Variants in AMPD3 observed in about 807,000 individuals in gnomAD.
The protein encoded by AMPD3 is adenosine monophosphate deaminase 3, also known as AMP deaminase 3.
A neutral mutation model predicts 82.3 loss-of-function variants in AMPD3; 57 were observed. That is an observed-to-expected ratio of 0.69 (90% CI 0.56 to 0.86). AMPD3 has a LOEUF of 0.86. AMPD3 is among the 40% of genes least tolerant of loss of function. The probability of loss-of-function intolerance (pLI) is 0.00; values close to 1 mark genes in which losing one functional copy is unlikely to be tolerated. For missense variants in AMPD3, 870 were observed against 1,003.8 expected, an observed-to-expected ratio of 0.87 and a Z score of 1.80; for synonymous variants, 381 against 394.7, an observed-to-expected ratio of 0.97 and a Z score of 0.41.
At chr11:10,452,364 A>G (rs1437547856), upstream of AMPD3, among the ~76,000 whole-genome samples, 1 of 152,138 alleles carries the variant, frequency 6.6e-6, no homozygotes, top group Non-Finnish European at 1.5e-5. Context: ...ATAATCTCTT[A>G]GTTCTTCTGT....
Position 10,499,883 on chromosome 11 carries a change from C to T in AMPD3, c.1558-203C>T, listed in dbSNP as rs746073548. ...ACCTCCAGAGTACCTATGGAAGCTC[C>T]GAAGGGGCAGACCTTGGTGTTGTAC... On this transcript the variant is annotated intron_variant, in intron 10 of 14. Transcript: ENST00000396553. 28 of 985,148 alleles carry T rather than the reference C, an allele frequency of 2.8e-5. No individual in the cohort carries two copies. The African/African-American group carries it at 3.0e-4, about 10-fold the overall frequency. The allele number at this position is 985,148 out of a possible 1,614,324, so 61.0% of individuals were successfully genotyped here.
At chr11:10,477,057 C>A (rs930392663) in intron 2 of AMPD3, 1 of 985,366 alleles carries the variant, frequency 1.0e-6, no homozygotes, top group African/African-American at 1.7e-5. Context: ...ATGGCAAGCA[C>A]TGGGTGTGTA....
At chr11:10,453,243 A>T (rs575130070), upstream of AMPD3, among the ~76,000 whole-genome samples, 1 of 152,240 alleles carries the variant, frequency 6.6e-6, no homozygotes, top group East Asian at 1.9e-4. Context: ...GAGCCACCAC[A>T]CTCAGCCTGA....
At chr11:10,464,347 G>A (rs1485402033) in intron 2 of AMPD3, among the ~76,000 whole-genome samples, 5 of 152,146 alleles carry the variant, frequency 3.3e-5, no homozygotes, top group Admixed American at 2.6e-4. Flanking sequence ...ATTAGGGAAC[G>A]AAGGCTCAGA....
intron 1 of AMPD3, chr11:10,461,257 C>A: frequency 7.2e-7 from 1 of 1,380,488 alleles, no homozygotes; most frequent in Non-Finnish European, 9.5e-7. Flanking sequence ...AAATGGAAGC[C>A]CACCTAGTTG....
chr11:10,470,554 A>G (rs917245285), intron 2 of AMPD3, among the ~76,000 whole-genome samples: 2 of 152,222 alleles, frequency 1.3e-5, no homozygotes, highest in African/African-American at 2.4e-5. Flanking sequence ...ATGATTGTAT[A>G]TTTAGAAAAC....
In AMPD3 at chr11:10,495,726, C is replaced by T. The variant is rs138513318; in HGVS notation, c.1423C>T (p.Arg475Trp). Residue 475 changes from arginine to tryptophan, a missense_variant, in exon 9 of 15, where the codon CGG becomes TGG. Physicochemically the swap from Arg to Trp is moderately radical, Grantham distance 101. Transcript: ENST00000396553. Reference sequence around the variant, plus strand: ...CATGCGCTGGATCATCCAGGTGCCCCGGATTTAGTAAGTGAGGTGGCCCGC... The same window carrying T: ...CATGCGCTGGATCATCCAGGTGCCCTGGATTTAGTAAGTGAGGTGGCCCGC... Reference protein sequence around the residue: ...PNMRWIIQVPRIYDIFRSKKL... With the variant: ...PNMRWIIQVPWIYDIFRSKKL... 2.8e-5 allele frequency: 45 copies of T among 1,614,084 alleles called. No individual in the cohort carries two copies. The highest frequency in any genetic ancestry group is 3.5e-5 in the Non-Finnish European group (41 of 1,180,016).
intron 2 of AMPD3, among the ~76,000 whole-genome samples, chr11:10,465,177 T>G (rs1191496935): frequency 6.6e-6 from 1 of 152,204 alleles, no homozygotes; most frequent in African/African-American, 2.4e-5. Flanking sequence ...TTGTTGTTAT[T>G]AGACAGTCAA....
intron 6 of AMPD3, among the ~76,000 whole-genome samples, chr11:10,490,152 G>T (rs578031326): frequency 1.3e-5 from 2 of 152,306 alleles, no homozygotes; most frequent in East Asian, 3.9e-4. Context: ...TGTGTGGGTG[G>T]TATCTGTGAA....
intron 2 of AMPD3, among the ~76,000 whole-genome samples, chr11:10,465,941 C>T (rs1020940433): frequency 6.6e-6 from 1 of 151,808 alleles, no homozygotes; most frequent in African/African-American, 2.4e-5. Context: ...CTTGGCAGGT[C>T]CCAGCCCCAT....
At position 10,495,663 on chromosome 11, in the gene AMPD3, G is replaced by A. The variant is rs746887841; in HGVS notation, c.1360G>A (p.Ala454Thr). The A allele has an allele frequency of 1.7e-5, 28 of 1,614,090 alleles. No homozygotes were observed. The highest frequency in any genetic ancestry group is 2.2e-5 in the Non-Finnish European group (26 of 1,180,010). Residue 454 changes from alanine to threonine, a missense_variant, in exon 9 of 15, where the codon GCC becomes ACC. By Grantham distance (58) the Ala-to-Thr change is moderately conservative. Transcript: ENST00000396553. ...CAGTCCTGAGGAGTGGCCCAACCTG[G>A]CCTACTGGTTCATCCAGCACAAGGT... ...GRSPEEWPNL[A>T]YWFIQHKVYS...
At chr11:10,492,564 C>T (rs138274560) in intron 6 of AMPD3, among the ~76,000 whole-genome samples, 34 of 152,254 alleles carry the variant, frequency 2.2e-4, no homozygotes, top group Middle Eastern at 3.4e-3. Context: ...ACTGTGAGAA[C>T]CTGTCGTACC....
intron 12 of AMPD3, 97 bp from the exon 13 acceptor site, chr11:10,502,624 T>A (rs1047451232): frequency 1.1e-5 from 17 of 1,592,688 alleles, no homozygotes; most frequent in Middle Eastern, 1.9e-4. Context: ...GACCCCTGGT[T>A]TCCACTGGTG....
At chr11:10,464,381 G>T (rs1026993857) in intron 2 of AMPD3, among the ~76,000 whole-genome samples, 1 of 152,204 alleles carries the variant, frequency 6.6e-6, no homozygotes, top group African/African-American at 2.4e-5. Context: ...CTTTCACAAA[G>T]ACACATAGTG....
intron 6 of AMPD3, chr11:10,490,426 C>G: frequency 1.1e-6 from 1 of 943,212 alleles, no homozygotes; most frequent in Non-Finnish European, 1.3e-6. Flanking sequence ...GTGCTGTGTT[C>G]GATTATTGAT....
chr11:10,456,611 A>G lies in AMPD3; in HGVS notation c.-6+1163A>G. 2.0e-6 allele frequency: 2 copies of G among 985,454 alleles called. No individual in the cohort carries two copies. Among genetic ancestry groups the G allele is most frequent in the Non-Finnish European group, 1.2e-6 (1 of 829,900 alleles). The allele number at this position is 985,454 out of a possible 1,614,324, so 61.0% of individuals were successfully genotyped here. On this transcript the variant is annotated intron_variant, in intron 1 of 14. Transcript: ENST00000396553. This position sits in a 1 kb window ranked among gnomAD's most constrained non-coding sequence, Gnocchi z 4.3. ...TTCATCAGAGCGTGTTGCATGTAAC[A>G]GTGAGATAAGCTGTATCATTGGCTG...
intron 2 of AMPD3, among the ~76,000 whole-genome samples, chr11:10,463,716 G>C (rs1391073510): frequency 4.6e-5 from 7 of 152,222 alleles, no homozygotes; most frequent in African/African-American, 1.7e-4. Flanking sequence ...CAAAATGGAA[G>C]CTTTCTTACT....
chr11:10,471,183 G>T (rs1848578535), intron 2 of AMPD3, among the ~76,000 whole-genome samples: 2 of 152,150 alleles, frequency 1.3e-5, no homozygotes, highest in South Asian at 4.1e-4. Context: ...TCTGATCTTT[G>T]ACAAACCTGG....
chr11:10,452,953 GTTGT>G (rs1012531933), upstream of AMPD3, among the ~76,000 whole-genome samples: 3 of 151,872 alleles, frequency 2.0e-5, no homozygotes, highest in Non-Finnish European at 4.4e-5. Context: ...TTTTTTTGTT[GTTGT>G]TTGTTTGTTT....
Sources: gnomAD v4.1 joint callset for allele counts (sites outside exome capture counted in the v4.1 genomes callset) on GRCh38, gnomAD v4.1.1 for gene constraint, Gnocchi (gnomAD v3.1) non-coding constraint, MANE v1.5 for transcripts, NCBI Gene and HGNC (gene_info 2026-07-23, HGNC 2026-07-21) for gene names.